The following ANKRD44 variants were observed in gnomAD, a reference collection of about 807,000 sequenced individuals.
ANKRD44 encodes the protein ankyrin repeat domain 44.
ANKRD44 carries 35 observed loss-of-function variants against 116.0 expected under a neutral mutation model. The ratio of observed to expected loss-of-function variants is 0.30; its 90% CI spans 0.23 to 0.40. ANKRD44 has a LOEUF of 0.40. Among genes scored for constraint, ANKRD44 ranks in the 10% least tolerant of loss-of-function variants. The pLI, the probability that ANKRD44 is intolerant of heterozygous loss-of-function variation, is 1.00. For missense variants in ANKRD44, 1,014 were observed against 1,242.6 expected, an observed-to-expected ratio of 0.82 and a Z score of 2.77; for synonymous variants, 435 against 461.8, an observed-to-expected ratio of 0.94 and a Z score of 0.74.
intron 1 of ANKRD44, among the ~76,000 whole-genome samples, chr2:197,210,513 TG>T (rs1162941926): frequency 2.0e-5 from 3 of 152,232 alleles, no homozygotes; most frequent in African/African-American, 7.2e-5. Flanking sequence ...CTGGTTCCTC[TG>T]GGAAAGCATC....
chr2:197,006,328 C>T (rs2076202029), intron 20 of ANKRD44, among the ~76,000 whole-genome samples: 1 of 152,060 alleles, frequency 6.6e-6, no homozygotes, highest in African/African-American at 2.4e-5. Context: ...CCCTGTAGTC[C>T]CAGCTACTTG....
intron 16 of ANKRD44, among the ~76,000 whole-genome samples, chr2:197,045,665 ACT>A (rs1402743764): frequency 2.0e-5 from 3 of 152,172 alleles, no homozygotes; most frequent in Non-Finnish European, 4.4e-5. Flanking sequence ...ACCACTGGTC[ACT>A]CTGATAAGCT....
chr2:197,198,759 C>T (rs2081022565), intron 1 of ANKRD44, among the ~76,000 whole-genome samples: 1 of 149,516 alleles, frequency 6.7e-6, no homozygotes, highest in African/African-American at 2.6e-5. Flanking sequence ...TGCTACTGCA[C>T]TCCAGCCTGG....
At chr2:197,135,437 C>G (rs2079193544) in intron 4 of ANKRD44, 1 of 152,298 alleles carries the variant, frequency 6.6e-6, no homozygotes, top group South Asian at 2.1e-4. Context: ...CCAGGGTTCC[C>G]TGCCACCCCT....
chr2:197,299,780 C>A (rs1239309504), intron 1 of ANKRD44, among the ~76,000 whole-genome samples: 1 of 152,066 alleles, frequency 6.6e-6, no homozygotes, highest in African/African-American at 2.4e-5. Context: ...CACTAAAGAA[C>A]TTATTCATGT....
intron 1 of ANKRD44, among the ~76,000 whole-genome samples, chr2:197,256,159 T>C (rs2082441149): frequency 6.6e-6 from 1 of 152,234 alleles, no homozygotes; most frequent in African/African-American, 2.4e-5. Context: ...ATGCTCTAGA[T>C]GGCAGAACAC....
intron 2 of ANKRD44, among the ~76,000 whole-genome samples, chr2:197,180,051 T>G (rs2080465430): frequency 6.6e-6 from 1 of 151,922 alleles, no homozygotes; most frequent in Admixed American, 6.6e-5. Context: ...AACCATCAGC[T>G]TTCCTCCACC....
At chr2:197,019,999 A>G (rs1574288841) in intron 17 of ANKRD44, among the ~76,000 whole-genome samples, 1 of 152,106 alleles carries the variant, frequency 6.6e-6, no homozygotes, top group East Asian at 1.9e-4. Flanking sequence ...TATTTTTAGT[A>G]GAGATGGGGT....
intron 2 of ANKRD44, among the ~76,000 whole-genome samples, chr2:197,164,395 C>T (rs1313430130): frequency 6.6e-6 from 1 of 152,184 alleles, no homozygotes; most frequent in Non-Finnish European, 1.5e-5. Flanking sequence ...GGCCTGGTAG[C>T]GGAAGACCTT....
chr2:197,159,820 G>C (rs1392762831), intron 2 of ANKRD44, among the ~76,000 whole-genome samples: 1 of 152,154 alleles, frequency 6.6e-6, no homozygotes, highest in Non-Finnish European at 1.5e-5. Flanking sequence ...TCAGAGTTAA[G>C]TGACTCACCC....
chr2:197,180,739 G>C (rs894059143), intron 2 of ANKRD44, among the ~76,000 whole-genome samples: 21 of 152,068 alleles, frequency 1.4e-4, no homozygotes, highest in African/African-American at 4.6e-4. Flanking sequence ...ATCAAGCAGA[G>C]AAAAACTTAG....
At position 196,993,601 on chromosome 2, in the gene ANKRD44, G is replaced by A; in HGVS notation, c.2905C>T (p.Leu969Phe). The change falls in exon 27 of 28, where the codon CTT becomes TTT. Residue 969 changes from leucine (L) to phenylalanine (F), a missense_variant. Coordinates refer to ENST00000282272, the MANE Select transcript of ANKRD44 (RefSeq NM_001195144.2). ...CACTTACCATTTTCATCTACAGCAAGTACACAGGCCCCTTTGGCCAGCAAC... is the reference window on the plus strand; with the variant it reads ...CACTTACCATTTTCATCTACAGCAAATACACAGGCCCCTTTGGCCAGCAAC... Reference protein sequence around the residue: ...EELLAKGACVLAVDENASRSN... With the variant: ...EELLAKGACVFAVDENASRSN... 1.9e-6 allele frequency: 3 copies of A among 1,550,918 alleles called. No homozygotes were observed. Among genetic ancestry groups the A allele is most frequent in the Non-Finnish European group, 2.6e-6 (3 of 1,146,990 alleles).
chr2:197,100,783 C>A (rs1284206953), intron 9 of ANKRD44, among the ~76,000 whole-genome samples: 1 of 152,122 alleles, frequency 6.6e-6, no homozygotes, highest in African/African-American at 2.4e-5. Context: ...AAAACTATGA[C>A]AATAATCATC....
chr2:197,075,293 A>C (rs1038872444), intron 16 of ANKRD44, among the ~76,000 whole-genome samples: 2 of 152,200 alleles, frequency 1.3e-5, no homozygotes, highest in African/African-American at 4.8e-5. Flanking sequence ...AAAATTCCAA[A>C]TAGGGGCATG....
intron 16 of ANKRD44, among the ~76,000 whole-genome samples, chr2:197,057,087 GA>G (rs1204392828): frequency 6.6e-6 from 1 of 151,890 alleles, no homozygotes; most frequent in Non-Finnish European, 1.5e-5. Flanking sequence ...CTACTATAAG[GA>G]AAAAAAGCTT....
At chr2:197,255,608 A>T (rs2105693085) in intron 1 of ANKRD44, among the ~76,000 whole-genome samples, 2 of 152,390 alleles carry the variant, frequency 1.3e-5, no homozygotes, top group Middle Eastern at 6.8e-3. Flanking sequence ...GCCCCAAAAC[A>T]AAAGAAGAAC....
At chr2:197,013,747 T>TG in intron 17 of ANKRD44, 35 bp from the exon 18 acceptor site, 1 of 1,609,148 alleles carries the variant, frequency 6.2e-7, no homozygotes, top group Non-Finnish European at 8.5e-7. Flanking sequence ...CCATGCTTGC[T>TG]CGCTCACCTC....
chr2:197,089,405 G>T (rs1385245767), intron 11 of ANKRD44, among the ~76,000 whole-genome samples: 1 of 152,150 alleles, frequency 6.6e-6, no homozygotes, highest in Non-Finnish European at 1.5e-5. Context: ...GTAGTGATAA[G>T]AAAGATTAGC....
chr2:197,174,947 A>G (rs1451574596), intron 2 of ANKRD44, among the ~76,000 whole-genome samples: 1 of 152,214 alleles, frequency 6.6e-6, no homozygotes, highest in East Asian at 1.9e-4. Flanking sequence ...GTGTGAGTCT[A>G]TGTTTACATA....
Sources: allele counts gnomAD v4.1 joint callset (sites outside exome capture counted in the v4.1 genomes callset), GRCh38; gene constraint gnomAD v4.1.1; transcripts MANE v1.5; gene names NCBI Gene and HGNC (gene_info 2026-07-23, HGNC 2026-07-21).